ABCC9: variants seen among roughly 807,000 people sequenced by gnomAD.
ABCC9 encodes the protein ATP binding cassette subfamily C member 9.
ABCC9 carries 95 observed loss-of-function variants against 188.3 expected under a neutral mutation model. The observed-to-expected ratio is 0.50, with a 90% confidence interval of 0.43 to 0.60. The LOEUF is 0.60. Among genes scored for constraint, ABCC9 ranks in the 20% least tolerant of loss-of-function variants. The pLI, the probability that ABCC9 is intolerant of heterozygous loss-of-function variation, is 0.00. For missense variants in ABCC9, 1,102 were observed against 1,876.3 expected (o/e 0.59, Z 7.62); for synonymous variants, 659 against 652.7 (o/e 1.01, Z -0.15).
chr12:21,936,462 A>G, intron 3 of ABCC9, 71 bp downstream of exon 3: 1 of 1,348,414 alleles, frequency 7.4e-7, no homozygotes. Flanking sequence ...AGTCAACATT[A>G]TCCCAAATCT....
chr12:21,800,979 G>C lies in ABCC9; in HGVS notation c.*65C>G. On this transcript the variant is annotated 3_prime_UTR_variant, in exon 40 of 40. Coordinates refer to ENST00000261200, the MANE Select transcript of ABCC9 (RefSeq NM_020297.4). ...GATGCCACTTTACAGAGGTCAAGCT[G>C]ATGATCCATTAATTAGGTTATGACT... is the stretch of plus-strand genomic sequence containing the variant. The C allele has an allele frequency of 1.9e-6, 3 of 1,590,624 alleles. No homozygotes were observed. The highest frequency in any genetic ancestry group is 2.6e-6 in the Non-Finnish European group (3 of 1,162,636).
chr12:21,871,773 C>T (rs1946093795), intron 18 of ABCC9, among the ~76,000 whole-genome samples: 1 of 152,112 alleles, frequency 6.6e-6, no homozygotes, highest in African/African-American at 2.4e-5. Context: ...AGTAGCAACC[C>T]AATGCTTCAG....
chr12:21,900,497 C>T (rs375652363), intron 12 of ABCC9, among the ~76,000 whole-genome samples: 21 of 152,006 alleles, frequency 1.4e-4, no homozygotes, highest in Admixed American at 1.2e-3. Flanking sequence ...AGGCTTCAGA[C>T]GATCAAACTT....
At chr12:21,836,335 C>G (rs988628441) in intron 30 of ABCC9, among the ~76,000 whole-genome samples, 9 of 152,114 alleles carry the variant, frequency 5.9e-5, no homozygotes, top group African/African-American at 2.2e-4. Flanking sequence ...GTGCACTGGC[C>G]TCTACTATGG....
chr12:21,907,360 C>T (rs1476083656), intron 11 of ABCC9, among the ~76,000 whole-genome samples: 3 of 151,988 alleles, frequency 2.0e-5, no homozygotes, highest in South Asian at 4.1e-4. Context: ...AGTAGAAACA[C>T]GAACTTGAGA....
At chr12:21,814,792 T>A in intron 34 of ABCC9, 70 bp from the exon 35 acceptor site, 10 of 1,267,418 alleles carry the variant, frequency 7.9e-6, no homozygotes, top group Non-Finnish European at 1.2e-5. Context: ...TAAGTTTTGT[T>A]TTTTAACTTA....
chr12:21,801,256 C>G (rs1941412715), intron 39 of ABCC9, 75 bp from the exon 40 acceptor site: 1 of 1,581,988 alleles, frequency 6.3e-7, no homozygotes, highest in East Asian at 2.2e-5. Context: ...ATGTATATTT[C>G]ATGAATTATT....
intron 7 of ABCC9, among the ~76,000 whole-genome samples, chr12:21,915,338 G>C (rs12822030): frequency 3.0e-5 from 4 of 135,018 alleles, no homozygotes; most frequent in East Asian, 2.1e-4. Flanking sequence ...TGTATATATA[G>C]ACATGTGTAT....
chr12:21,840,817 A>C (rs373155294), intron 29 of ABCC9, among the ~76,000 whole-genome samples: 1 of 152,258 alleles, frequency 6.6e-6, no homozygotes, highest in African/African-American at 2.4e-5. Flanking sequence ...ATCCTAATTC[A>C]TAGCTAAGAG....
intron 12 of ABCC9, among the ~76,000 whole-genome samples, chr12:21,896,593 GTGT>G (rs948005013): frequency 6.6e-6 from 1 of 152,118 alleles, no homozygotes; most frequent in African/African-American, 2.4e-5. Context: ...GCCCCAGTGT[GTGT>G]TGTTCTCCTC....
intron 39 of ABCC9, among the ~76,000 whole-genome samples, chr12:21,803,101 G>T (rs1319043715): frequency 2.0e-5 from 3 of 151,660 alleles, no homozygotes; most frequent in African/African-American, 7.3e-5. Flanking sequence ...ATACATTGAT[G>T]AATTAACAAG....
intron 3 of ABCC9, 146 bp downstream of exon 3, chr12:21,936,387 T>A (rs905289094): frequency 1.3e-6 from 1 of 764,376 alleles, no homozygotes; most frequent in East Asian, 2.7e-5. Context: ...AATATATGTT[T>A]GAAAAACACA....
chr12:21,900,287 T>C (rs1947670573), intron 12 of ABCC9, among the ~76,000 whole-genome samples: 2 of 151,820 alleles, frequency 1.3e-5, no homozygotes, highest in African/African-American at 2.4e-5. Context: ...AGAAAGGACA[T>C]CCACACCAAA....
intron 5 of ABCC9, among the ~76,000 whole-genome samples, chr12:21,917,633 G>A (rs922509433): frequency 1.3e-5 from 2 of 152,112 alleles, no homozygotes; most frequent in Admixed American, 1.3e-4. Context: ...TTAGTCAAAT[G>A]GTTTAAAACA....
intron 4 of ABCC9, among the ~76,000 whole-genome samples, chr12:21,930,427 A>T (rs1416731666): frequency 1.3e-5 from 2 of 152,216 alleles, no homozygotes; most frequent in African/African-American, 4.8e-5. Flanking sequence ...AGGTTTTCAA[A>T]AAAGCAGACC....
intron 30 of ABCC9, among the ~76,000 whole-genome samples, chr12:21,832,439 G>T (rs981675105): frequency 6.6e-6 from 1 of 152,090 alleles, no homozygotes; most frequent in Non-Finnish European, 1.5e-5. Flanking sequence ...AAGGATTCTA[G>T]AATTTTATCC....
chr12:21,908,548 T>G (rs1948153874), intron 10 of ABCC9, among the ~76,000 whole-genome samples: 1 of 151,982 alleles, frequency 6.6e-6, no homozygotes, highest in Admixed American at 6.6e-5. Flanking sequence ...CTTCAGATTT[T>G]TAAAAGGGCA....
rs1034677787 is a variant in ABCC9 at position 21,940,751 on chromosome 12, C to T, written c.-62G>A. Reference sequence around the variant, plus strand: ...ACGCTGCTTCAAACCCCTGCCGGTGCACTTGAGCTACCTTCAAAACACCGA... The same window carrying T: ...ACGCTGCTTCAAACCCCTGCCGGTGTACTTGAGCTACCTTCAAAACACCGA... On this transcript the variant is annotated 5_prime_UTR_variant, in exon 2 of 40. Transcript: ENST00000261200. The T allele has an allele frequency of 6.6e-5, 10 of 152,196 alleles. No homozygotes were observed. Among genetic ancestry groups the T allele is most frequent in the African/African-American group, 1.9e-4 (8 of 41,436 alleles). 9.4% of individuals were successfully genotyped at this position (152,196 alleles called of 1,614,324 possible).
rs908513159 is a variant in ABCC9 at position 21,799,013 on chromosome 12, C to T, written c.*2031G>A. 6.9e-5 allele frequency: 10 copies of T among 145,898 alleles called. No individual in the cohort carries two copies. The highest frequency in any genetic ancestry group is 2.0e-4 in the East Asian group (1 of 5,036). 9.0% of individuals were successfully genotyped at this position (145,898 alleles called of 1,614,324 possible). A position where few individuals can be genotyped will look rare whatever the true frequency, so the allele number is the denominator to read the frequency against. On this transcript the variant is annotated 3_prime_UTR_variant, in exon 40 of 40. Transcript: ENST00000261200. ...ATCGCAAGAACAAAAAACCAAACAC[C>T]GCATATTCTCACTCATAGGTGGGAA...
Sources: gnomAD v4.1 joint callset for allele counts (sites outside exome capture counted in the v4.1 genomes callset) on GRCh38, gnomAD v4.1.1 for gene constraint, MANE v1.5 for transcripts, NCBI Gene and HGNC (gene_info 2026-07-23, HGNC 2026-07-21) for gene names.